IGBP1: variants seen among roughly 807,000 people sequenced by gnomAD.
The protein encoded by IGBP1 is immunoglobulin-binding protein 1.
Under a neutral mutation model 25.9 loss-of-function variants are expected in IGBP1, and 2 were observed. The ratio of observed to expected loss-of-function variants is 0.08; its 90% CI spans 0.03 to 0.24. The LOEUF (loss-of-function observed/expected upper bound fraction) is 0.24, where lower values mean the gene tolerates loss of function less well. IGBP1 is among the 10% of genes least tolerant of loss of function. IGBP1 has a pLI of 1.00. For missense variants in IGBP1, 187 were observed against 260.4 expected (o/e 0.72, Z 1.94); for synonymous variants, 96 against 93.4 (o/e 1.03, Z -0.16).
At chrX:70,153,825 C>T (rs1392487472) in intron 6 of IGBP1, among the ~76,000 whole-genome samples, 2 of 111,244 alleles carry the variant, frequency 1.8e-5, no homozygotes, top group Non-Finnish European at 3.8e-5. Flanking sequence ...ACAGGAGGCT[C>T]ACATAGGGTT....
At chrX:70,136,425 A>G (rs1240583070) in intron 3 of IGBP1, among the ~76,000 whole-genome samples, 1 of 111,703 alleles carries the variant, frequency 9.0e-6, no homozygotes, top group Non-Finnish European at 1.9e-5. Flanking sequence ...AGGCTAAGCT[A>G]TGATGTTCAA....
At chrX:70,138,016 A>T (rs1378358142) in intron 3 of IGBP1, among the ~76,000 whole-genome samples, 1 of 108,834 alleles carries the variant, frequency 9.2e-6, no homozygotes, top group Non-Finnish European at 1.9e-5. Context: ...CACTCCTGTA[A>T]TCCCAGGTAC....
chrX:70,143,545 A>G (rs937800508), intron 3 of IGBP1, among the ~76,000 whole-genome samples: 8 of 112,148 alleles, frequency 7.1e-5, no homozygotes, highest in African/African-American at 2.6e-4. Flanking sequence ...CAGCTTGGGA[A>G]CAGAGAAAGG....
intron 3 of IGBP1, among the ~76,000 whole-genome samples, chrX:70,142,043 G>A (rs1022913151): frequency 7.2e-5 from 8 of 111,823 alleles, no homozygotes; most frequent in African/African-American, 2.6e-4. Flanking sequence ...ACAGAAAAGA[G>A]AAGAGTAGGC....
In IGBP1 at chrX:70,146,631, A is replaced by G; in HGVS notation, c.483-2A>G. The G allele has an allele frequency of 8.3e-7, 1 of 1,203,999 alleles. No individual in the cohort carries two copies. ...CATGGGTAATGCTTTTCTGTGGAAC[A>G]GATACAAGCAGAAGAAGGAGTTGGA... On this transcript the variant is annotated splice_acceptor_variant, in intron 3 of 6. Coordinates refer to ENST00000356413, the MANE Select transcript of IGBP1 (RefSeq NM_001551.3). LOFTEE classifies it high-confidence loss of function.
chrX:70,137,094 A>G, intron 3 of IGBP1, among the ~76,000 whole-genome samples: 1 of 111,872 alleles, frequency 8.9e-6, no homozygotes, highest in East Asian at 2.8e-4. Context: ...GGAAAAGATT[A>G]GACCCAGTTA....
intron 5 of IGBP1, 70 bp from the exon 6 acceptor site, chrX:70,150,140 G>GTA (rs1430547783): frequency 1.3e-5 from 8 of 610,391 alleles, no homozygotes; most frequent in Non-Finnish European, 2.2e-5. Flanking sequence ...ACTTTTTGTA[G>GTA]TACTGGGTTT....
At chrX:70,154,097 G>A (rs1414531055) in intron 6 of IGBP1, among the ~76,000 whole-genome samples, 2 of 91,746 alleles carry the variant, frequency 2.2e-5, no homozygotes, top group African/African-American at 4.2e-5. Context: ...TTGCTCTGTC[G>A]CCCAGGCTGG....
chrX:70,156,603 C>T (rs909283332), intron 6 of IGBP1, among the ~76,000 whole-genome samples: 2 of 112,219 alleles, frequency 1.8e-5, no homozygotes, highest in African/African-American at 3.2e-5. Flanking sequence ...GAAAATACTT[C>T]TAACTGGGAA....
intron 6 of IGBP1, among the ~76,000 whole-genome samples, chrX:70,163,088 C>G (rs1003995870): frequency 9.0e-6 from 1 of 110,934 alleles, no homozygotes; most frequent in African/African-American, 3.3e-5. Flanking sequence ...GTCTCACACT[C>G]TGAGCCCAGG....
chrX:70,157,017 C>A lies in IGBP1; in HGVS notation c.871+6695C>A, dbSNP rs146417031. On this transcript the variant is annotated intron_variant, in intron 6 of 6. Transcript: ENST00000356413. ...AATAACAATGTGTAAGGTACTGCAT[C>A]TTTTAATTAGCTAGATTTAGCTATC... Among the ~76,000 whole-genome samples, 1,100 of 111,895 alleles carry A rather than the reference C, an allele frequency of 9.8e-3. 14 individuals are homozygous for A. The highest frequency in any genetic ancestry group is 0.034 in the African/African-American group (1,053 of 30,789).
chrX:70,161,996 G>A (rs951588107), intron 6 of IGBP1, among the ~76,000 whole-genome samples: 6 of 111,397 alleles, frequency 5.4e-5, no homozygotes, highest in African/African-American at 1.6e-4. Context: ...AAATGAGGGA[G>A]AAGAGATAAA....
chrX:70,165,526 G>C (rs750521060), intron 6 of IGBP1, among the ~76,000 whole-genome samples: 21 of 110,587 alleles, frequency 1.9e-4, no homozygotes, highest in Non-Finnish European at 3.8e-4. Flanking sequence ...GGGGCTTGGG[G>C]GGGGTGGGTG....
At chrX:70,162,756 T>C (rs886962174) in intron 6 of IGBP1, among the ~76,000 whole-genome samples, 7 of 111,927 alleles carry the variant, frequency 6.3e-5, no homozygotes, top group Admixed American at 9.5e-5. Context: ...GGTGGATCAC[T>C]TGAGGTCAGA....
At chrX:70,135,585 A>G (rs2085090212) in intron 3 of IGBP1, among the ~76,000 whole-genome samples, 1 of 111,899 alleles carries the variant, frequency 8.9e-6, no homozygotes, top group African/African-American at 3.3e-5. Flanking sequence ...TGAGTTCTTT[A>G]AGGGTAAATA....
In IGBP1 at chrX:70,165,883, G is replaced by A; in HGVS notation, c.922G>A (p.Glu308Lys). ...QQQEEQEEKE[E>K]EDDEQTLHRA... ...ACAGGAAGAACAAGAAGAAAAGGAGGAAGAGGATGATGAACAAACACTCCA... is the reference window on the plus strand; with the variant it reads ...ACAGGAAGAACAAGAAGAAAAGGAGAAAGAGGATGATGAACAAACACTCCA... Residue 308 changes from glutamate to lysine, a missense_variant, in exon 7 of 7, where the codon GAA becomes AAA. By Grantham distance (56) the Glu-to-Lys change is moderately conservative. Coordinates refer to ENST00000356413, the MANE Select transcript of IGBP1 (RefSeq NM_001551.3). The A allele has an allele frequency of 1.7e-6, 2 of 1,206,452 alleles. No individual in the cohort carries two copies. The highest frequency in any genetic ancestry group is 2.2e-6 in the Non-Finnish European group (2 of 892,837).
chrX:70,161,187 CTT>C (rs1172446778), intron 6 of IGBP1, among the ~76,000 whole-genome samples: 1 of 111,917 alleles, frequency 8.9e-6, no homozygotes, highest in Non-Finnish European at 1.9e-5. Flanking sequence ...ATCAGGGTGT[CTT>C]AGAGAAATAA....
At chrX:70,157,616 A>G (rs771189808) in intron 6 of IGBP1, among the ~76,000 whole-genome samples, 2 of 112,727 alleles carry the variant, frequency 1.8e-5, no homozygotes, top group African/African-American at 3.2e-5. Context: ...TTTGTTTGCT[A>G]TAAGTGACAA....
chrX:70,138,428 C>T (rs1339371062), intron 3 of IGBP1, among the ~76,000 whole-genome samples: 3 of 95,706 alleles, frequency 3.1e-5, no homozygotes, highest in Non-Finnish European at 6.0e-5. Context: ...CTGCAGTGAG[C>T]TGTGATCGCA....
Sources: gnomAD v4.1 joint callset for allele counts (sites outside exome capture counted in the v4.1 genomes callset) on GRCh38, gnomAD v4.1.1 for gene constraint, MANE v1.5 for transcripts, NCBI Gene and HGNC (gene_info 2026-07-23, HGNC 2026-07-21) for gene names.